Variants in MADD observed in about 807,000 individuals in gnomAD.
MADD encodes MAP kinase-activating death domain protein.
Under a neutral mutation model 176.7 loss-of-function variants are expected in MADD, and 109 were observed. The observed-to-expected ratio is 0.62, with a 90% CI of 0.53 to 0.72. The LOEUF (loss-of-function observed/expected upper bound fraction) is 0.72. Ranked by LOEUF, MADD falls within the 30% of genes least tolerant of loss-of-function variation. MADD has a pLI of 0.00. For missense variants in MADD, 1,914 were observed against 2,045.5 expected (o/e 0.94, Z 1.24); for synonymous variants, 771 against 771.3 (o/e 1.00, Z 0.01).
intron 9 of MADD, 30 bp from the exon 10 acceptor site, chr11:47,282,783 G>T: frequency 6.2e-7 from 1 of 1,605,174 alleles, no homozygotes; most frequent in Non-Finnish European, 8.5e-7. Context: ...CCTTGCTGCT[G>T]ACTTTCTGTT....
intron 22 of MADD, among the ~76,000 whole-genome samples, chr11:47,297,455 T>C (rs865883688): frequency 2.0e-4 from 31 of 151,710 alleles, no homozygotes; most frequent in South Asian, 6.2e-4. Flanking sequence ...CTTTTCTTTT[T>C]TTTTTTTTTG....
At chr11:47,327,503 G>A in intron 31 of MADD, 1 of 985,422 alleles carries the variant, frequency 1.0e-6, no homozygotes, top group Non-Finnish European at 1.2e-6. Context: ...GCCCTGCCCT[G>A]GGTGGGTAGC....
chr11:47,284,631 G>C, intron 12 of MADD, 66 bp downstream of exon 12: 1 of 1,551,378 alleles, frequency 6.4e-7, no homozygotes, highest in South Asian at 1.2e-5. Flanking sequence ...TATTAGGAAA[G>C]CCAGGCTGTA....
intron 27 of MADD, among the ~76,000 whole-genome samples, chr11:47,321,661 G>A (rs1345884540): frequency 1.3e-5 from 2 of 152,194 alleles, no homozygotes; most frequent in African/African-American, 4.8e-5. Flanking sequence ...GTTGACCTTT[G>A]AGCTTAGACT....
chr11:47,312,027 G>C (rs1001635296), intron 26 of MADD, among the ~76,000 whole-genome samples, 185 bp downstream of exon 29: 6 of 152,196 alleles, frequency 3.9e-5, no homozygotes, highest in African/African-American at 1.4e-4. Flanking sequence ...CAGTTTTGAT[G>C]TGTGGTCTGT....
intron 8 of MADD, 72 bp from the exon 9 acceptor site, chr11:47,282,309 T>G: frequency 8.2e-7 from 1 of 1,221,516 alleles, no homozygotes; most frequent in Non-Finnish European, 1.2e-6. Context: ...CTTTGGGAGG[T>G]GTTCTAAGAC....
chr11:47,279,053 C>G (rs760224230), exon 7 of MADD: 1 of 1,614,006 alleles, frequency 6.2e-7, no homozygotes, highest in Non-Finnish European at 8.5e-7. Flanking sequence ...ACCAGAATCA[C>G]TAGAGCTGAA....
chr11:47,318,564 ACTC>A (rs2093688085), intron 27 of MADD, among the ~76,000 whole-genome samples: 1 of 151,964 alleles, frequency 6.6e-6, no homozygotes, highest in Non-Finnish European at 1.5e-5. Context: ...TCCTTGAACT[ACTC>A]TTACTCTCAC....
At chr11:47,285,117 C>T (rs1173880115) in exon 13 of MADD, 1 of 1,614,124 alleles carries the variant, frequency 6.2e-7, no homozygotes. Context: ...CCCAATATGG[C>T]TTTCCCCCTG....
chr11:47,289,050 G>C, intron 15 of MADD, 23 bp downstream of exon 16: 1 of 1,573,826 alleles, frequency 6.4e-7, no homozygotes, highest in Non-Finnish European at 8.6e-7. Flanking sequence ...TGTGAGCTGT[G>C]CATGATCTTT....
intron 27 of MADD, among the ~76,000 whole-genome samples, chr11:47,318,016 C>T (rs376435651): frequency 8.5e-5 from 13 of 152,212 alleles, no homozygotes; most frequent in African/African-American, 3.1e-4. Flanking sequence ...GTGATCCACC[C>T]ACCTCGGCCT....
chr11:47,277,190 A>G (rs2050830659), intron 5 of MADD, among the ~76,000 whole-genome samples: 1 of 152,254 alleles, frequency 6.6e-6, no homozygotes, highest in Admixed American at 6.5e-5. Context: ...AGATAGTTCC[A>G]AACTCTATAG....
chr11:47,274,826 A>AG lies in MADD; in HGVS notation c.331dup (p.Glu111GlyfsTer24). On this transcript the variant is annotated frameshift_variant, in exon 3 of 33. Coordinates refer to ENST00000402192, the Ensembl canonical transcript of MADD. LOFTEE classifies it high-confidence loss of function. ...TTCCAAAAGCGAATCTCTAAGGAGA[A>AG]GGGGGAAGGTGGGGCAGGGTCCCGT... The AG allele has an allele frequency of 6.2e-7, 1 of 1,614,234 alleles. No homozygotes were observed. Among genetic ancestry groups the AG allele is most frequent in the South Asian group, 1.1e-5 (1 of 91,084 alleles).
At chr11:47,281,546 G>T (rs1206152528) in intron 7 of MADD, 29 bp from the exon 8 acceptor site, 1 of 1,571,722 alleles carries the variant, frequency 6.4e-7, no homozygotes, top group African/African-American at 1.4e-5. Flanking sequence ...GACGTTCCTT[G>T]TGTAAGGAAT....
chr11:47,315,165 C>G (rs2092362265), intron 26 of MADD, 55 bp from the exon 30 acceptor site: 2 of 1,056,858 alleles, frequency 1.9e-6, no homozygotes, highest in South Asian at 2.6e-5. Context: ...ATTCTTGGCC[C>G]AGAGCCCTCT....
rs1057122959 is a variant in MADD at position 47,308,842 on chromosome 11, G to A, written c.3751+143G>A. The A allele has an allele frequency of 3.6e-5, 37 of 1,018,824 alleles. 1 individual carries two copies. The highest frequency in any genetic ancestry group is 3.4e-4 in the Admixed American group (17 of 49,712). 63.1% of individuals were successfully genotyped at this position (1,018,824 alleles called of 1,614,324 possible). ...TAGCAGTTTTATACCTGAAGCAAGC[G>A]ACTTACTGGGTCCAGAACAAGCAGT... On this transcript the variant is annotated intron_variant, in intron 23 of 32. Transcript: ENST00000402192.
At chr11:47,308,115 A>G (rs995011664) in intron 22 of MADD, among the ~76,000 whole-genome samples, 59 of 152,252 alleles carry the variant, frequency 3.9e-4, no homozygotes, top group Non-Finnish European at 4.3e-4. Context: ...GGTGCCTTAT[A>G]TGTATCTTCA....
intron 22 of MADD, among the ~76,000 whole-genome samples, chr11:47,300,234 T>C (rs149980976): frequency 0.015 from 2,258 of 148,080 alleles, 66 homozygotes; most frequent in African/African-American, 0.054. Context: ...TAAGACGGAG[T>C]CTTGCTCTGT....
At chr11:47,295,501 T>C (rs886244619) in exon 21 of MADD, 37 of 1,613,490 alleles carry the variant, frequency 2.3e-5, no homozygotes, top group Non-Finnish European at 3.1e-5. Context: ...TTCAGAGGAC[T>C]GATCAAGACT....
Sources: gnomAD v4.1 joint callset for allele counts (sites outside exome capture counted in the v4.1 genomes callset) on GRCh38, gnomAD v4.1.1 for gene constraint, MANE v1.5 for transcripts, NCBI Gene and HGNC (gene_info 2026-07-23, HGNC 2026-07-21) for gene names.